The following PRORP variants were observed in gnomAD, a reference collection of about 807,000 sequenced individuals.
The protein encoded by PRORP is mitochondrial ribonuclease P catalytic subunit.
PRORP carries 51 observed loss-of-function variants against 59.4 expected under a neutral mutation model. That is an observed-to-expected ratio of 0.86 (90% CI 0.69 to 1.08). The LOEUF (loss-of-function observed/expected upper bound fraction) is 1.08, where lower values mean the gene tolerates loss of function less well. Ranked by LOEUF, PRORP falls within the 50% of genes least tolerant of loss-of-function variation. PRORP has a pLI of 0.00. For missense variants in PRORP, 646 were observed against 690.3 expected, an observed-to-expected ratio of 0.94 and a Z score of 0.72; for synonymous variants, 231 against 245.6, an observed-to-expected ratio of 0.94 and a Z score of 0.55.
Position 35,260,015 on chromosome 14 carries a change from T to TTC in PRORP, c.1276-6712_1276-6711insTC, listed in dbSNP as rs71121273. 3.4e-5 allele frequency among the ~76,000 whole-genome samples: 5 copies of TTC among 145,984 alleles called. No homozygotes were observed. In the East Asian group the frequency reaches 9.9e-4, roughly 29 times the overall value. On this transcript the variant is annotated intron_variant, in intron 5 of 7. Transcript: ENST00000534898. ...CGGGTTTTTTTTTTTTTTTTTTTTTTGGTGGGAGCTTTTCCAGATAGGGTT... is the reference window on the plus strand; with the variant it reads ...CGGGTTTTTTTTTTTTTTTTTTTTTTTCGGTGGGAGCTTTTCCAGATAGGGTT...
Position 35,180,654 on chromosome 14 carries a change from G to A in PRORP, c.1168-16G>A. 1 of 1,500,726 alleles carries A rather than the reference G, an allele frequency of 6.7e-7. No individual in the cohort carries two copies. 93.0% of individuals were successfully genotyped at this position (1,500,726 alleles called of 1,614,324 possible). ...CTGAGTTCTTATTAATGTTTTGTCT[G>A]ACATTTCTTTATTAGGAACTTAAGA... On this transcript the variant is annotated splice_polypyrimidine_tract_variant and intron_variant, in intron 4 of 7. Transcript: ENST00000534898.
At chr14:35,122,333 CCTT>C (rs1305409359), upstream of PRORP, 1 of 218,438 alleles carries the variant, frequency 4.6e-6, no homozygotes, top group Non-Finnish European at 9.4e-6. Flanking sequence ...GAGGGAAGCG[CCTT>C]CTTTCACAAT....
rs1213478968 is a variant in PRORP at position 35,169,886 on chromosome 14, C to T, written c.1168-10784C>T. Among the ~76,000 whole-genome samples the T allele has an allele frequency of 3.9e-5, 6 of 152,194 alleles. No homozygotes were observed. In the East Asian group the frequency reaches 1.2e-3, roughly 29 times the overall value. On this transcript the variant is annotated intron_variant, in intron 4 of 7. Coordinates refer to ENST00000534898, the MANE Select transcript of PRORP (RefSeq NM_014672.4). Reference sequence around the variant, plus strand: ...CTTCGAAGTCCTCACTGATTTTTATCTACTTGTTCAATCAATTATGCAGAG... The same window carrying T: ...CTTCGAAGTCCTCACTGATTTTTATTTACTTGTTCAATCAATTATGCAGAG...
chr14:35,226,338 A>G (rs778402303), intron 5 of PRORP, among the ~76,000 whole-genome samples: 1 of 152,356 alleles, frequency 6.6e-6, no homozygotes, highest in South Asian at 2.1e-4. Flanking sequence ...ATTAATATGT[A>G]GAATATTTAC....
At chr14:35,246,266 G>A (rs1223127915) in intron 5 of PRORP, among the ~76,000 whole-genome samples, 1 of 152,046 alleles carries the variant, frequency 6.6e-6, no homozygotes, top group Non-Finnish European at 1.5e-5. Flanking sequence ...ATGTTCGTTG[G>A]TTATTTTGTT....
chr14:35,122,273 C>T, upstream of PRORP: 1 of 359,770 alleles, frequency 2.8e-6, no homozygotes, highest in Non-Finnish European at 5.3e-6. Context: ...TTATCGTGTG[C>T]CTTTGGCGCG....
intron 5 of PRORP, among the ~76,000 whole-genome samples, chr14:35,218,519 CTTT>C (rs1163711572): frequency 2.8e-5 from 2 of 70,694 alleles, no homozygotes; most frequent in East Asian, 9.0e-4. Flanking sequence ...ACTGATTGTA[CTTT>C]TTTTTTTTTT....
intron 5 of PRORP, among the ~76,000 whole-genome samples, chr14:35,241,637 C>T (rs754928863): frequency 8.5e-5 from 13 of 152,188 alleles, no homozygotes; most frequent in Middle Eastern, 3.4e-3. Context: ...CTGCTACTAC[C>T]ACCCTTCAGA....
intron 4 of PRORP, among the ~76,000 whole-genome samples, chr14:35,153,068 G>A (rs1448337769): frequency 1.1e-4 from 17 of 152,352 alleles, no homozygotes; most frequent in East Asian, 9.7e-4. Flanking sequence ...GTAGCTAGCC[G>A]AGATCACGCC....
chr14:35,181,829 A>G (rs570342969), intron 5 of PRORP, among the ~76,000 whole-genome samples: 2 of 151,706 alleles, frequency 1.3e-5, no homozygotes, highest in Non-Finnish European at 2.9e-5. Flanking sequence ...AGTAAAATAC[A>G]TATATATTAT....
rs115850245 is a variant in PRORP, at chr14:35,147,500, G to A, written c.1167+19889G>A. ...TACAACTACAAGCTCACATGACCAT[G>A]TCTAGCTAATTTTTTCTAATTTTTT... On this transcript the variant is annotated intron_variant, in intron 4 of 7. Coordinates refer to ENST00000534898, the MANE Select transcript of PRORP (RefSeq NM_014672.4). Among the ~76,000 whole-genome samples, 523 of 152,258 alleles carry A rather than the reference G, an allele frequency of 3.4e-3. 3 individuals are homozygous for A. Among genetic ancestry groups the A allele is most frequent in the African/African-American group, 0.012 (488 of 41,552 alleles).
chr14:35,191,609 A>G (rs980818056), intron 5 of PRORP, among the ~76,000 whole-genome samples: 1 of 152,076 alleles, frequency 6.6e-6, no homozygotes, highest in African/African-American at 2.4e-5. Flanking sequence ...AGGCTGAGGC[A>G]GGAGGATTGC....
chr14:35,160,529 T>A (rs866042902), intron 4 of PRORP, among the ~76,000 whole-genome samples: 21 of 152,330 alleles, frequency 1.4e-4, no homozygotes, highest in Middle Eastern at 3.4e-3. Context: ...TTTCTTTTTT[T>A]AAAAAATTAG....
At chr14:35,153,420 C>CT (rs1378231641) in intron 4 of PRORP, among the ~76,000 whole-genome samples, 1 of 146,428 alleles carries the variant, frequency 6.8e-6, no homozygotes, top group Non-Finnish European at 1.5e-5. Flanking sequence ...AGAGGGATCT[C>CT]TAATTTTTGT....
intron 5 of PRORP, among the ~76,000 whole-genome samples, chr14:35,215,806 G>A (rs528095345): frequency 3.2e-4 from 48 of 150,862 alleles, no homozygotes; most frequent in Middle Eastern, 6.8e-3. Flanking sequence ...TCACCCTGTC[G>A]CCCAGACTAG....
intron 7 of PRORP, among the ~76,000 whole-genome samples, chr14:35,272,762 G>A (rs1311562751): frequency 6.6e-6 from 1 of 152,078 alleles, no homozygotes; most frequent in African/African-American, 2.4e-5. Context: ...CTCTACTTTT[G>A]TTTACATTTG....
chr14:35,195,456 G>T (rs928716182), intron 5 of PRORP, among the ~76,000 whole-genome samples: 3 of 151,952 alleles, frequency 2.0e-5, no homozygotes, highest in Non-Finnish European at 4.4e-5. Context: ...AAATTACTGT[G>T]TGTGTTTTTA....
At chr14:35,252,746 C>T in intron 5 of PRORP, among the ~76,000 whole-genome samples, 1 of 152,190 alleles carries the variant, frequency 6.6e-6, no homozygotes, top group East Asian at 1.9e-4. Flanking sequence ...CTGTTGCACA[C>T]AGAAAACAGA....
At chr14:35,256,115 C>G (rs1285163275) in intron 5 of PRORP, among the ~76,000 whole-genome samples, 1 of 151,196 alleles carries the variant, frequency 6.6e-6, no homozygotes, top group East Asian at 2.0e-4. Context: ...GAAACCCCAT[C>G]TCTACTAAAA....
Sources: allele counts gnomAD v4.1 joint callset (sites outside exome capture counted in the v4.1 genomes callset), GRCh38; gene constraint gnomAD v4.1.1; transcripts MANE v1.5; gene names NCBI Gene and HGNC (gene_info 2026-07-23, HGNC 2026-07-21).